The following STEAP2 variants were observed in gnomAD, a reference collection of about 807,000 sequenced individuals.
STEAP2 encodes metalloreductase STEAP2.
STEAP2 carries 30 observed loss-of-function variants against 46.4 expected under a neutral mutation model. That is an observed-to-expected ratio of 0.65 (90% CI 0.48 to 0.88). The LOEUF (loss-of-function observed/expected upper bound fraction) is 0.88, where lower values mean the gene tolerates loss of function less well. STEAP2 is among the 40% of genes least tolerant of loss of function. The pLI is 0.00. For synonymous variants in STEAP2, 180 were observed against 200.5 expected (o/e 0.90, Z 0.86); for missense variants, 513 against 579.3 (o/e 0.89, Z 1.18).
In STEAP2 at chr7:90,236,606, G is replaced by A; in HGVS notation, c.*3982G>A. ...AACAGTGAATTTTACATGAATGAATGGGTTCTTCACTTTTTTTTTAGTATG... is the reference window on the plus strand; with the variant it reads ...AACAGTGAATTTTACATGAATGAATAGGTTCTTCACTTTTTTTTTAGTATG... On this transcript the variant is annotated 3_prime_UTR_variant, in exon 6 of 6. Transcript: ENST00000394621. The A allele has an allele frequency of 8.9e-7, 1 of 1,119,578 alleles. No individual in the cohort carries two copies. The highest frequency in any genetic ancestry group is 1.1e-6 in the Non-Finnish European group (1 of 916,304). 69.4% of individuals were successfully genotyped at this position (1,119,578 alleles called of 1,614,324 possible).
chr7:90,234,338 A>G lies in STEAP2; in HGVS notation c.*1714A>G. On this transcript the variant is annotated 3_prime_UTR_variant, in exon 6 of 6. Coordinates refer to ENST00000394621, the MANE Select transcript of STEAP2 (RefSeq NM_001244944.2). ...AGAAAATTATAGGCAAGATACAATT[A>G]TATGCGTTCCTCTTCCTGAAATTAT... 9 of 985,282 alleles carry G rather than the reference A, an allele frequency of 9.1e-6. No homozygotes were observed. Among genetic ancestry groups the G allele is most frequent in the Non-Finnish European group, 1.1e-5 (9 of 829,828 alleles). The allele number at this position is 985,282 out of a possible 1,614,324, so 61.0% of individuals were successfully genotyped here.
At chr7:90,218,244 T>C (rs1250737197) in intron 2 of STEAP2, among the ~76,000 whole-genome samples, 1 of 152,202 alleles carries the variant, frequency 6.6e-6, no homozygotes, top group African/African-American at 2.4e-5. Context: ...ATTGTTTCCT[T>C]TGCTGCACGG....
At chr7:90,223,173 G>T (rs1458350861) in intron 2 of STEAP2, among the ~76,000 whole-genome samples, 2 of 152,176 alleles carry the variant, frequency 1.3e-5, no homozygotes, top group African/African-American at 2.4e-5. Flanking sequence ...GGGTGGATGA[G>T]CAGAAAGAAT....
Position 90,236,997 on chromosome 7 carries a change from C to T in STEAP2, c.*4373C>T. The T allele has an allele frequency of 6.2e-7, 1 of 1,604,376 alleles. No individual in the cohort carries two copies. Among genetic ancestry groups the T allele is most frequent in the Non-Finnish European group, 8.5e-7 (1 of 1,171,888 alleles). On this transcript the variant is annotated 3_prime_UTR_variant, in exon 6 of 6. Coordinates refer to ENST00000394621, the MANE Select transcript of STEAP2 (RefSeq NM_001244944.2). The stretch of plus-strand genomic sequence containing the variant: ...CTGCCCATTACATTCCTCAGCTGTC[C>T]TTGCAGTTAGGTGTACATGTGACTG...
intron 4 of STEAP2, among the ~76,000 whole-genome samples, 188 bp from the exon 5 acceptor site, chr7:90,229,684 T>C (rs974741790): frequency 6.6e-6 from 1 of 152,200 alleles, no homozygotes; most frequent in East Asian, 1.9e-4. Flanking sequence ...TGTTTAATTC[T>C]CTTTTCCCTT....
chr7:90,223,191 G>A (rs1795330841), intron 2 of STEAP2, among the ~76,000 whole-genome samples: 1 of 152,198 alleles, frequency 6.6e-6, no homozygotes, highest in South Asian at 2.1e-4. Context: ...AATACTTGAA[G>A]GGCTGTAGGC....
rs747081106 is a variant in STEAP2, at chr7:90,227,187, C to A, written c.709C>A (p.His237Asn). 6.2e-7 allele frequency: 1 copy of A among 1,613,572 alleles called. No homozygotes were observed. ...TTATTCCTTTGTCAGAGATGTGATT[C>A]ATCCATATGCTAGAAACCAACAGAG... ...FLYSFVRDVI[H>N]PYARNQQSDF... is the part of the protein sequence containing the mutation. Residue 237 changes from histidine (H) to asparagine (N), a missense_variant, in exon 4 of 6, where the codon CAT (histidine) becomes AAT (asparagine). Transcript: ENST00000394621.
chr7:90,241,743 G>A (rs892645164), downstream of STEAP2, among the ~76,000 whole-genome samples: 1 of 152,184 alleles, frequency 6.6e-6, no homozygotes, highest in Admixed American at 6.5e-5. Flanking sequence ...TGACTCTCAA[G>A]AATCTCAGTA....
downstream of STEAP2, among the ~76,000 whole-genome samples, chr7:90,239,299 GC>G (rs1291587174): frequency 6.6e-6 from 1 of 152,202 alleles, no homozygotes; most frequent in Non-Finnish European, 1.5e-5. Context: ...AAGACGGCAT[GC>G]CAAGGAGAGA....
the STEAP2 span, among the ~76,000 whole-genome samples, chr7:90,243,319 T>C: frequency 1.3e-5 from 2 of 152,218 alleles, no homozygotes; most frequent in East Asian, 1.9e-4. Flanking sequence ...ATAAATTCTA[T>C]GGAAGATACA....
chr7:90,224,374 A>G (rs1795388007), intron 2 of STEAP2, among the ~76,000 whole-genome samples: 1 of 152,124 alleles, frequency 6.6e-6, no homozygotes, highest in Non-Finnish European at 1.5e-5. Flanking sequence ...CATCCTAGAA[A>G]TTTCTGCATA....
intron 5 of STEAP2, among the ~76,000 whole-genome samples, chr7:90,230,593 T>C (rs943844250): frequency 6.6e-5 from 10 of 152,156 alleles, no homozygotes; most frequent in South Asian, 2.1e-4. Context: ...AGTAGTATAC[T>C]AATACGTATG....
chr7:90,237,111 T>C lies in STEAP2; in HGVS notation c.*4487T>C. On this transcript the variant is annotated 3_prime_UTR_variant, in exon 6 of 6. Transcript: ENST00000394621. The stretch of plus-strand genomic sequence containing the variant: ...CATCTTGCTGCTGGGATTGTGGATA[T>C]AACAGGAGCCCTGGCAGCTGTCTCC... The C allele has an allele frequency of 1.4e-6, 1 of 728,704 alleles. No individual in the cohort carries two copies. The highest frequency in any genetic ancestry group is 2.2e-6 in the Non-Finnish European group (1 of 460,988). The allele number at this position is 728,704 out of a possible 1,614,324, so 45.1% of individuals were successfully genotyped here.
At position 90,225,132 on chromosome 7, in the gene STEAP2, T is replaced by G. The variant is rs194520; in HGVS notation, c.50T>G (p.Phe17Cys). 820,361 of 1,613,362 alleles carry G rather than the reference T, an allele frequency of 0.51. 214,902 individuals are homozygous for G. The highest frequency in any genetic ancestry group is 0.55 in the Non-Finnish European group (644,451 of 1,179,568). The change falls in exon 3 of 6, where the codon TTT becomes TGT. Residue 17 changes from phenylalanine (F) to cysteine (C), a missense_variant. Coordinates refer to ENST00000394621, the MANE Select transcript of STEAP2 (RefSeq NM_001244944.2). ...AGCCCTAAGAGCCTTAGTGAAACTTTTTTACCTAATGGCATAAATGGTATC... is the reference window on the plus strand; with the variant it reads ...AGCCCTAAGAGCCTTAGTGAAACTTGTTTACCTAATGGCATAAATGGTATC... ...MGSPKSLSET[F>C]LPNGINGIKD...
chr7:90,231,739 C>T (rs17868439), intron 5 of STEAP2, among the ~76,000 whole-genome samples: 1 of 151,906 alleles, frequency 6.6e-6, no homozygotes, highest in Non-Finnish European at 1.5e-5. Flanking sequence ...TATGTGTATA[C>T]ACACACACAT....
Position 90,234,748 on chromosome 7 carries a change from T to C in STEAP2, c.*2124T>C, listed in dbSNP as rs187153269. 3.4e-5 allele frequency: 18 copies of C among 526,414 alleles called. 1 individual carries two copies. The East Asian group carries it at 1.6e-3, about 48-fold the overall frequency. The allele number at this position is 526,414 out of a possible 1,614,324, so 32.6% of individuals were successfully genotyped here. Reference sequence around the variant, plus strand: ...TTTTGTATTTTTAGTAGAGACGGAGTTTCACCGTGTTAGCCAGGATGGTCT... The same window carrying C: ...TTTTGTATTTTTAGTAGAGACGGAGCTTCACCGTGTTAGCCAGGATGGTCT... On this transcript the variant is annotated 3_prime_UTR_variant, in exon 6 of 6. Transcript: ENST00000394621.
chr7:90,238,174 G>T, downstream of STEAP2: 1 of 717,204 alleles, frequency 1.4e-6, no homozygotes. Flanking sequence ...ACTGCTATAT[G>T]TTGAGGAGTC....
chr7:90,225,411 G>C lies in STEAP2; in HGVS notation c.329G>C (p.Gly110Ala). 6.2e-7 allele frequency: 1 copy of C among 1,613,738 alleles called. No individual in the cohort carries two copies. Among genetic ancestry groups the C allele is most frequent in the Non-Finnish European group, 8.5e-7 (1 of 1,179,898 alleles). The change falls in exon 3 of 6, where the codon GGT (glycine) becomes GCT (alanine). Residue 110 changes from glycine to alanine, a missense_variant. Transcript: ENST00000394621. ...SLWDLRHLLV[G>A]KILIDVSNNM... The stretch of plus-strand genomic sequence containing the variant: ...TGGGACCTGAGACATCTGCTTGTGG[G>C]TAAAATCCTGATTGATGTGAGCAAT...
At position 90,236,898 on chromosome 7, in the gene STEAP2, G is replaced by A. The variant is rs1277971798; in HGVS notation, c.*4274G>A. The A allele has an allele frequency of 6.2e-7, 1 of 1,613,850 alleles. No homozygotes were observed. The highest frequency in any genetic ancestry group is 2.2e-5 in the East Asian group (1 of 44,848). On this transcript the variant is annotated 3_prime_UTR_variant, in exon 6 of 6. Coordinates refer to ENST00000394621, the MANE Select transcript of STEAP2 (RefSeq NM_001244944.2). ...TTGAAATTGTCTTTAAAGATCTTTT[G>A]CAGCTTTGCAGATACCCAGACTGAG...
Sources: gnomAD v4.1 joint callset for allele counts (sites outside exome capture counted in the v4.1 genomes callset) on GRCh38, gnomAD v4.1.1 for gene constraint, MANE v1.5 for transcripts, NCBI Gene and HGNC (gene_info 2026-07-23, HGNC 2026-07-21) for gene names.